Variants in NBEA observed in about 807,000 individuals in gnomAD.
NBEA encodes neurobeachin.
In NBEA, 44 loss-of-function variants were observed where a neutral mutation model predicts 343.4. That is an observed-to-expected ratio of 0.13 (90% CI 0.10 to 0.16). The LOEUF is 0.16. Among genes scored for constraint, NBEA ranks in the 10% least tolerant of loss-of-function variants. NBEA has a pLI of 1.00. For synonymous variants in NBEA, 1,175 were observed against 1,238.7 expected (o/e 0.95, Z 1.08); for missense variants, 2,555 against 3,631.3 (o/e 0.70, Z 7.62).
intron 30 of NBEA, among the ~76,000 whole-genome samples, chr13:35,187,366 C>T (rs2071793268): frequency 6.6e-6 from 1 of 151,698 alleles, no homozygotes; most frequent in South Asian, 2.1e-4. Flanking sequence ...TCATTGGACT[C>T]TTAGTTTCTA....
chr13:35,472,284 A>G, intron 40 of NBEA, 116 bp from the exon 41 acceptor site: 1 of 1,109,732 alleles, frequency 9.0e-7, no homozygotes, highest in Non-Finnish European at 1.3e-6. Flanking sequence ...GCCGCATAAT[A>G]CAGGCACCAT....
intron 41 of NBEA, chr13:35,475,350 T>G (rs2075816393): frequency 6.2e-7 from 1 of 1,613,790 alleles, no homozygotes; most frequent in Admixed American, 1.7e-5. Context: ...GGCCCGGCAG[T>G]TCAAGGTGAC....
At position 35,305,552 on chromosome 13, in the gene NBEA, C is replaced by T. The variant is rs532358826; in HGVS notation, c.5839-3976C>T. Among the ~76,000 whole-genome samples the T allele has an allele frequency of 8.5e-5, 13 of 152,204 alleles. No individual in the cohort carries two copies. The East Asian group carries it at 9.7e-4, about 11-fold the overall frequency. On this transcript the variant is annotated intron_variant, in intron 35 of 58. Coordinates refer to ENST00000379939, the MANE Select transcript of NBEA (RefSeq NM_001385012.1). The stretch of plus-strand genomic sequence containing the variant: ...ATGGGCAAAGGGACATGTGTTACTT[C>T]TGGCTAGAAGCTACAAGAGCCGGGG...
intron 35 of NBEA, among the ~76,000 whole-genome samples, chr13:35,304,616 ATC>A (rs1379641736): frequency 6.6e-6 from 1 of 151,928 alleles, no homozygotes; most frequent in East Asian, 1.9e-4. Flanking sequence ...TGTGTTCAGA[ATC>A]TCTCTCTGTA....
At chr13:35,454,839 G>C (rs777127645) in intron 40 of NBEA, among the ~76,000 whole-genome samples, 1 of 151,868 alleles carries the variant, frequency 6.6e-6, no homozygotes, top group East Asian at 1.9e-4. Context: ...CAGCCTGGGC[G>C]ACAGAATGAG....
intron 1 of NBEA, among the ~76,000 whole-genome samples, chr13:35,037,147 C>T (rs1243001378): frequency 6.6e-6 from 1 of 152,268 alleles, no homozygotes; most frequent in Admixed American, 6.5e-5. Flanking sequence ...CTCATTAATT[C>T]TTTCCTCTGG....
chr13:35,136,336 CT>C (rs2067727126), intron 17 of NBEA, among the ~76,000 whole-genome samples: 1 of 152,096 alleles, frequency 6.6e-6, no homozygotes, highest in African/African-American at 2.4e-5. Flanking sequence ...GAAAATAGTT[CT>C]TTTTTGAAAC....
chr13:35,609,634 T>C (rs1363991496), intron 48 of NBEA, among the ~76,000 whole-genome samples: 2 of 152,226 alleles, frequency 1.3e-5, no homozygotes, highest in African/African-American at 2.4e-5. Flanking sequence ...TTTCTCATTA[T>C]AGTTATTTAA....
At chr13:35,208,511 A>G (rs2073549121) in intron 31 of NBEA, among the ~76,000 whole-genome samples, 189 bp from the exon 32 acceptor site, 1 of 152,194 alleles carries the variant, frequency 6.6e-6, no homozygotes, top group Non-Finnish European at 1.5e-5. Flanking sequence ...TAGGCAACAC[A>G]CTTTATAATA....
chr13:35,363,204 C>T (rs2040912318), intron 38 of NBEA, among the ~76,000 whole-genome samples: 1 of 151,876 alleles, frequency 6.6e-6, no homozygotes, highest in Non-Finnish European at 1.5e-5. Context: ...ATACACACTC[C>T]AGGATTAGGT....
At chr13:34,983,132 A>T (rs1166171754) in intron 1 of NBEA, among the ~76,000 whole-genome samples, 1 of 152,046 alleles carries the variant, frequency 6.6e-6, no homozygotes, top group Non-Finnish European at 1.5e-5. Flanking sequence ...TTAACTCATC[A>T]TTTACATTAG....
chr13:35,208,609 T>A, intron 31 of NBEA, 91 bp from the exon 32 acceptor site: 1 of 1,145,750 alleles, frequency 8.7e-7, no homozygotes, highest in Non-Finnish European at 1.2e-6. Flanking sequence ...GAGGGAGAAA[T>A]TCGATGTTGA....
chr13:35,437,192 TG>T (rs995576829), intron 39 of NBEA, among the ~76,000 whole-genome samples: 3 of 152,162 alleles, frequency 2.0e-5, no homozygotes, highest in African/African-American at 7.2e-5. Flanking sequence ...TTTCATGTGA[TG>T]GGAAGGAACA....
chr13:35,538,820 A>G (rs1195359434), intron 41 of NBEA, among the ~76,000 whole-genome samples: 1 of 152,252 alleles, frequency 6.6e-6, no homozygotes, highest in East Asian at 1.9e-4. Flanking sequence ...GTGTTCCCAC[A>G]TTAGAGATGC....
intron 1 of NBEA, among the ~76,000 whole-genome samples, chr13:35,004,595 A>G (rs1308042858): frequency 6.6e-6 from 1 of 152,158 alleles, no homozygotes; most frequent in Non-Finnish European, 1.5e-5. Flanking sequence ...TTTTGGAAGC[A>G]GTTCTTGTGG....
chr13:35,459,814 AGCTAAGAGTTT>A (rs1469547370), intron 40 of NBEA, among the ~76,000 whole-genome samples: 1 of 152,244 alleles, frequency 6.6e-6, no homozygotes, highest in East Asian at 1.9e-4. Context: ...GAATTCTAAA[AGCTAAGAGTTT>A]GTCTAAGAAT....
At chr13:35,624,128 AAGAT>A (rs1174963614) in intron 48 of NBEA, among the ~76,000 whole-genome samples, 1 of 151,652 alleles carries the variant, frequency 6.6e-6, no homozygotes, top group Non-Finnish European at 1.5e-5. Flanking sequence ...GATCAGGAAA[AAGAT>A]AGGGATTTTC....
chr13:35,191,766 T>C (rs2072212719), intron 30 of NBEA, among the ~76,000 whole-genome samples: 1 of 152,034 alleles, frequency 6.6e-6, no homozygotes, highest in Non-Finnish European at 1.5e-5. Flanking sequence ...ACTAACAAGG[T>C]GCTGTATGTT....
chr13:35,359,527 A>G (rs974838713), intron 38 of NBEA, among the ~76,000 whole-genome samples: 3 of 152,008 alleles, frequency 2.0e-5, no homozygotes, highest in Non-Finnish European at 4.4e-5. Context: ...TAGTTTAGTT[A>G]TAACATAAAA....
Sources: gnomAD v4.1 joint callset for allele counts (sites outside exome capture counted in the v4.1 genomes callset) on GRCh38, gnomAD v4.1.1 for gene constraint, MANE v1.5 for transcripts, NCBI Gene and HGNC (gene_info 2026-07-23, HGNC 2026-07-21) for gene names.